ZFHX3: variants seen among roughly 807,000 people sequenced by gnomAD.
The protein encoded by ZFHX3 is zinc finger homeobox protein 3.
In ZFHX3, 42 loss-of-function variants were observed where a neutral mutation model predicts 279.1. That is an observed-to-expected ratio of 0.15 (90% CI 0.12 to 0.19). The LOEUF (loss-of-function observed/expected upper bound fraction) is 0.19, where lower values mean the gene tolerates loss of function less well. ZFHX3 is among the 10% of genes least tolerant of loss of function. The pLI is 1.00. For synonymous variants in ZFHX3, 2,293 were observed against 1,957.8 expected (o/e 1.17, Z -4.52); for missense variants, 4,981 against 4,754.0 (o/e 1.05, Z -1.40).
At chr16:73,201,021 G>A (rs1349043990) in intron 5 of ZFHX3, among the ~76,000 whole-genome samples, 1 of 152,142 alleles carries the variant, frequency 6.6e-6, no homozygotes, top group African/African-American at 2.4e-5. Context: ...TTATGGGGAA[G>A]CACCTTTCCC....
At chr16:72,931,566 TAAA>T (rs35230717) in intron 3 of ZFHX3, among the ~76,000 whole-genome samples, 6 of 131,130 alleles carry the variant, frequency 4.6e-5, no homozygotes, top group African/African-American at 5.7e-5. Flanking sequence ...ATGCACCATT[TAAA>T]AAAAAAAAAA....
chr16:73,507,815 C>A (rs1348689926), intron 2 of ZFHX3, among the ~76,000 whole-genome samples: 3 of 152,030 alleles, frequency 2.0e-5, no homozygotes, highest in Non-Finnish European at 4.4e-5. Context: ...CCACTTTTTA[C>A]CTGGGAGATT....
chr16:73,179,460 T>C (rs1486371759), intron 5 of ZFHX3, among the ~76,000 whole-genome samples: 1 of 152,190 alleles, frequency 6.6e-6, no homozygotes, highest in Non-Finnish European at 1.5e-5. Flanking sequence ...GAAATCAAGA[T>C]GCTGAGTGCC....
At chr16:73,221,026 C>A (rs1468218211) in intron 5 of ZFHX3, among the ~76,000 whole-genome samples, 1 of 152,028 alleles carries the variant, frequency 6.6e-6, no homozygotes, top group Non-Finnish European at 1.5e-5. Flanking sequence ...GCAAAGGAAT[C>A]CAAAGATTGA....
intron 2 of ZFHX3, among the ~76,000 whole-genome samples, chr16:73,619,147 A>G (rs11149935): frequency 0.77 from 116,461 of 151,992 alleles, 47,923 homozygotes; most frequent in East Asian, 0.99. Flanking sequence ...AATTCTTCCC[A>G]AAGCTATATA....
intron 2 of ZFHX3, among the ~76,000 whole-genome samples, chr16:73,614,179 A>C (rs997904359): frequency 6.6e-6 from 1 of 152,248 alleles, no homozygotes; most frequent in African/African-American, 2.4e-5. Flanking sequence ...GTCCAGCAAC[A>C]TTTCACACGT....
chr16:73,802,845 C>T (rs143535117), intron 1 of ZFHX3, among the ~76,000 whole-genome samples: 1 of 152,216 alleles, frequency 6.6e-6, no homozygotes, highest in Non-Finnish European at 1.5e-5. Flanking sequence ...TTTAATAGAG[C>T]CTCACTCTGT....
intron 4 of ZFHX3, among the ~76,000 whole-genome samples, chr16:73,279,511 C>T (rs376851328): frequency 6.6e-6 from 1 of 152,002 alleles, no homozygotes; most frequent in East Asian, 1.9e-4. Flanking sequence ...ATGAGGAACC[C>T]AATGGAAATT....
chr16:73,602,664 C>T (rs1038123592), intron 2 of ZFHX3, among the ~76,000 whole-genome samples: 3 of 152,014 alleles, frequency 2.0e-5, no homozygotes, highest in East Asian at 1.9e-4. Flanking sequence ...ATTATCATCT[C>T]GGCTAGGCGC....
chr16:72,819,184 T>G (rs1398542806), intron 5 of ZFHX3, among the ~76,000 whole-genome samples: 1 of 152,118 alleles, frequency 6.6e-6, no homozygotes, highest in East Asian at 1.9e-4. Flanking sequence ...CTTCCATCAC[T>G]CTTCATCGTG....
chr16:73,323,740 A>G (rs2015626916), intron 3 of ZFHX3, among the ~76,000 whole-genome samples: 2 of 152,100 alleles, frequency 1.3e-5, no homozygotes, highest in African/African-American at 2.4e-5. Context: ...GAGAAGGAGG[A>G]TCACTTCCAG....
chr16:73,229,291 A>T (rs1011788140), intron 5 of ZFHX3, among the ~76,000 whole-genome samples: 9 of 152,132 alleles, frequency 5.9e-5, no homozygotes, highest in African/African-American at 2.2e-4. Context: ...ACTTTGCTTG[A>T]CCCATTGTTC....
chr16:73,005,193 A>G (rs543500585), intron 1 of ZFHX3, among the ~76,000 whole-genome samples: 1 of 152,334 alleles, frequency 6.6e-6, no homozygotes, highest in South Asian at 2.1e-4. Context: ...TGAGGATTAA[A>G]TAAGTTCATA....
At chr16:73,203,861 G>A (rs930731267) in intron 5 of ZFHX3, among the ~76,000 whole-genome samples, 2 of 152,200 alleles carry the variant, frequency 1.3e-5, no homozygotes, top group Non-Finnish European at 2.9e-5. Context: ...CTATACCTCA[G>A]GGGAGAGAGT....
chr16:73,287,126 C>G (rs111174184), intron 4 of ZFHX3, among the ~76,000 whole-genome samples: 21,198 of 93,468 alleles, frequency 0.23, 2,088 homozygotes, highest in African/African-American at 0.38. Context: ...GTCAGCGTGT[C>G]GGTGTGTTGG....
chr16:73,720,713 G>C (rs1381805223), intron 1 of ZFHX3, among the ~76,000 whole-genome samples: 1 of 152,010 alleles, frequency 6.6e-6, no homozygotes, highest in African/African-American at 2.4e-5. Context: ...AGTTAGTTTT[G>C]TTTTCTCTCA....
chr16:73,041,251 C>G (rs950358775), intron 1 of ZFHX3, among the ~76,000 whole-genome samples: 3 of 152,116 alleles, frequency 2.0e-5, no homozygotes, highest in Admixed American at 6.5e-5. Flanking sequence ...TTTCCACTGT[C>G]TGGACAATTT....
intron 1 of ZFHX3, among the ~76,000 whole-genome samples, chr16:73,809,984 C>T (rs771148695): frequency 6.6e-6 from 1 of 152,140 alleles, no homozygotes; most frequent in Admixed American, 6.5e-5. Flanking sequence ...CCACACATTG[C>T]GGTGTCTAAC....
intron 6 of ZFHX3, among the ~76,000 whole-genome samples, chr16:73,141,370 C>T: frequency 6.6e-6 from 1 of 151,970 alleles, no homozygotes; most frequent in East Asian, 1.9e-4. Context: ...TCACTTTGTG[C>T]CAAGCACTGT....
Sources: allele counts gnomAD v4.1 joint callset (sites outside exome capture counted in the v4.1 genomes callset), GRCh38; gene constraint gnomAD v4.1.1; transcripts MANE v1.5; gene names NCBI Gene and HGNC (gene_info 2026-07-23, HGNC 2026-07-21).